The following INVS variants were observed in gnomAD, a reference collection of about 807,000 sequenced individuals.
The protein encoded by INVS is inversin.
In INVS, 86 loss-of-function variants were observed where a neutral mutation model predicts 108.8. The ratio of observed to expected loss-of-function variants is 0.79; its 90% CI spans 0.66 to 0.95. INVS has a LOEUF of 0.95. INVS is among the 40% of genes least tolerant of loss of function. INVS has a pLI of 0.00. For missense variants in INVS, 1,169 were observed against 1,297.4 expected, an observed-to-expected ratio of 0.90 and a Z score of 1.52; for synonymous variants, 455 against 473.5, an observed-to-expected ratio of 0.96 and a Z score of 0.51.
chr9:100,157,531 G>T (rs567237649), intron 3 of INVS, among the ~76,000 whole-genome samples: 1 of 152,168 alleles, frequency 6.6e-6, no homozygotes, highest in South Asian at 2.1e-4. Flanking sequence ...CTCCCAAAGT[G>T]CTGGGATTAC....
intron 2 of INVS, among the ~76,000 whole-genome samples, chr9:100,118,231 C>T (rs1827611939): frequency 6.7e-6 from 1 of 150,226 alleles, no homozygotes. Context: ...GTTGTTGAGA[C>T]AGAGTCTTAC....
At chr9:100,205,271 C>A (rs1479773837) in intron 3 of INVS, among the ~76,000 whole-genome samples, 3 of 152,112 alleles carry the variant, frequency 2.0e-5, no homozygotes, top group African/African-American at 4.8e-5. Context: ...AAGCTGCCAT[C>A]CTGCTGCATC....
At chr9:100,186,951 G>C (rs751564393) in intron 3 of INVS, among the ~76,000 whole-genome samples, 1 of 152,012 alleles carries the variant, frequency 6.6e-6, no homozygotes, top group Non-Finnish European at 1.5e-5. Context: ...GTCTGGAAGA[G>C]TTTTCCCTAG....
intron 15 of INVS, 125 bp from the exon 16 acceptor site, chr9:100,297,811 C>T: frequency 2.1e-6 from 2 of 940,952 alleles, no homozygotes; most frequent in South Asian, 1.3e-5. Context: ...GTTTCCACAC[C>T]ATACCTAACT....
intron 3 of INVS, among the ~76,000 whole-genome samples, chr9:100,140,635 G>C (rs1359769813): frequency 6.6e-6 from 1 of 152,124 alleles, no homozygotes; most frequent in Non-Finnish European, 1.5e-5. Context: ...CAAAATAGTG[G>C]TGAAGTGTTG....
intron 3 of INVS, among the ~76,000 whole-genome samples, chr9:100,219,436 C>A (rs563693142): frequency 1.3e-4 from 20 of 152,214 alleles, no homozygotes; most frequent in African/African-American, 4.6e-4. Context: ...AGCAAGACCC[C>A]TTCTATTAAA....
chr9:100,145,218 A>G (rs1416290864), intron 3 of INVS, among the ~76,000 whole-genome samples: 1 of 151,786 alleles, frequency 6.6e-6, no homozygotes, highest in Admixed American at 6.6e-5. Flanking sequence ...AACAGAGTAG[A>G]GACACGGAGG....
At chr9:100,117,006 G>A in intron 2 of INVS, 2 of 1,519,492 alleles carry the variant, frequency 1.3e-6, no homozygotes, top group South Asian at 1.1e-5. Flanking sequence ...AGCTTCTTGG[G>A]CACAGGCGCC....
Position 100,220,678 on chromosome 9 carries a change from A to T in INVS, c.274-5384A>T, listed in dbSNP as rs550813275. ...TCCTCCAAACAGGATCAGTTTCTGT[A>T]TAGCTCTAACAGGTTATACTAAATG... On this transcript the variant is annotated intron_variant, in intron 3 of 16. Coordinates refer to ENST00000262457, the MANE Select transcript of INVS (RefSeq NM_014425.5). Among the ~76,000 whole-genome samples, 8 of 152,322 alleles carry T rather than the reference A, an allele frequency of 5.3e-5. No individual in the cohort carries two copies. In the South Asian group the frequency reaches 1.7e-3, roughly 32 times the overall value.
At chr9:100,201,464 C>T (rs1830529435) in intron 3 of INVS, among the ~76,000 whole-genome samples, 2 of 152,178 alleles carry the variant, frequency 1.3e-5, no homozygotes, top group African/African-American at 4.8e-5. Flanking sequence ...TGGACAATTG[C>T]TTCCAAACAA....
intron 3 of INVS, among the ~76,000 whole-genome samples, chr9:100,185,210 AT>A (rs1000636382): frequency 2.5e-4 from 36 of 142,876 alleles, no homozygotes; most frequent in Non-Finnish European, 4.2e-4. Context: ...TTCCAATAAT[AT>A]TTTTTAATGA....
chr9:100,264,332 A>C (rs896312745), intron 10 of INVS, among the ~76,000 whole-genome samples: 18 of 152,078 alleles, frequency 1.2e-4, no homozygotes, highest in Non-Finnish European at 2.4e-4. Context: ...TCACAGCCTT[A>C]ATTGGCCAGG....
intron 3 of INVS, among the ~76,000 whole-genome samples, chr9:100,187,926 T>G (rs781346139): frequency 6.6e-6 from 1 of 152,216 alleles, no homozygotes; most frequent in Non-Finnish European, 1.5e-5. Context: ...GGTGGTGGTG[T>G]TGTTTTGCAG....
chr9:100,242,698 T>A lies in INVS; in HGVS notation c.906+19T>A, dbSNP rs780115922. 5 of 1,352,064 alleles carry A rather than the reference T, an allele frequency of 3.7e-6. No individual in the cohort carries two copies. The South Asian group carries it at 4.7e-5, about 13-fold the overall frequency. The allele number at this position is 1,352,064 out of a possible 1,614,324, so 83.8% of individuals were successfully genotyped here. On this transcript the variant is annotated intron_variant, in intron 7 of 16. Coordinates refer to ENST00000262457, the MANE Select transcript of INVS (RefSeq NM_014425.5). ...CTTTGCTGTAAGTAAAACAAGACAA[T>A]GCTCTTTTTTCTTAGTGAAAATTGT...
chr9:100,207,939 T>C (rs1387834846), intron 3 of INVS, among the ~76,000 whole-genome samples: 1 of 152,170 alleles, frequency 6.6e-6, no homozygotes, highest in East Asian at 1.9e-4. Flanking sequence ...GATTTCAGAA[T>C]TGTAGTGTGC....
intron 3 of INVS, among the ~76,000 whole-genome samples, chr9:100,177,598 A>G (rs1204751230): frequency 1.3e-5 from 2 of 152,220 alleles, no homozygotes; most frequent in African/African-American, 2.4e-5. Context: ...TTGGCAGGGC[A>G]TCTCTGAAAG....
At chr9:100,232,412 C>G (rs1331506228) in intron 5 of INVS, among the ~76,000 whole-genome samples, 1 of 152,122 alleles carries the variant, frequency 6.6e-6, no homozygotes, top group East Asian at 1.9e-4. Flanking sequence ...GTGTTTTAGT[C>G]ATGAAGTCTT....
intron 7 of INVS, 33 bp downstream of exon 7, chr9:100,242,712 A>G (rs1564172942): frequency 2.4e-6 from 3 of 1,237,242 alleles, no homozygotes; most frequent in African/African-American, 3.0e-5. Context: ...CTTTTTTCTT[A>G]GTGAAAATTG....
In INVS at chr9:100,187,718, G is replaced by A. The variant is rs573543437; in HGVS notation, c.274-38344G>A. Among the ~76,000 whole-genome samples the A allele has an allele frequency of 7.9e-5, 12 of 152,032 alleles. No homozygotes were observed. In the South Asian group the frequency reaches 2.5e-3, roughly 32 times the overall value. ...ATTTTTGTATTTTTAGTACGGATGA[G>A]GTTTCACCATGTTGGCCAGGCTGGT... On this transcript the variant is annotated intron_variant, in intron 3 of 16. Coordinates refer to ENST00000262457, the MANE Select transcript of INVS (RefSeq NM_014425.5).
Sources: gnomAD v4.1 joint callset for allele counts (sites outside exome capture counted in the v4.1 genomes callset) on GRCh38, gnomAD v4.1.1 for gene constraint, MANE v1.5 for transcripts, NCBI Gene and HGNC (gene_info 2026-07-23, HGNC 2026-07-21) for gene names.